DENND3: variants seen among roughly 807,000 people sequenced by gnomAD.
DENND3 encodes the protein DENN domain-containing protein 3.
A neutral mutation model predicts 135.1 loss-of-function variants in DENND3; 88 were observed. The ratio of observed to expected loss-of-function variants is 0.65; its 90% CI spans 0.55 to 0.78. DENND3 has a LOEUF of 0.78. Among genes scored for constraint, DENND3 ranks in the 30% least tolerant of loss-of-function variants. The pLI, the probability that DENND3 is intolerant of heterozygous loss-of-function variation, is 0.00. For synonymous variants in DENND3, 693 were observed against 712.3 expected, an observed-to-expected ratio of 0.97 and a Z score of 0.43; for missense variants, 1,392 against 1,688.4, an observed-to-expected ratio of 0.82 and a Z score of 3.08.
At position 141,188,865 on chromosome 8, in the gene DENND3, G is replaced by C. The variant is rs1036842981; in HGVS notation, c.3085-121G>C. The C allele has an allele frequency of 3.0e-6, 4 of 1,339,276 alleles. No individual in the cohort carries two copies. In the African/African-American group the frequency reaches 5.9e-5, roughly 20 times the overall value. The allele number at this position is 1,339,276 out of a possible 1,614,324, so 83.0% of individuals were successfully genotyped here. A position where few individuals can be genotyped will look rare whatever the true frequency, so the allele number is the denominator to read the frequency against. ...GAGGCTCCCAGGACCCTGAGCCGGC[G>C]TGTCCCCTAGGAGCAGTGGTTCCAT... On this transcript the variant is annotated intron_variant, in intron 18 of 22. Coordinates refer to ENST00000519811, the MANE Select transcript of DENND3 (RefSeq NM_001352890.3).
In DENND3 at chr8:141,180,752, A is replaced by T; in HGVS notation, c.2842A>T (p.Met948Leu). Residue 948 changes from methionine (M) to leucine (L), a missense_variant, in exon 17 of 23, where the codon ATG becomes TTG. Met to Leu is a conservative substitution (Grantham distance 15, BLOSUM62 2). Coordinates refer to ENST00000519811, the MANE Select transcript of DENND3 (RefSeq NM_001352890.3). The part of the protein sequence containing the change: ...YFDKMSNEMP[M>L]TLPETTLETL... ...CCAAGTGTCTTGTCTTTCAGTGCCCATGACGCTTCCGGAGACAACCCTGGA... is the reference window on the plus strand; with the variant it reads ...CCAAGTGTCTTGTCTTTCAGTGCCCTTGACGCTTCCGGAGACAACCCTGGA... The T allele has an allele frequency of 6.2e-7, 1 of 1,612,838 alleles. No homozygotes were observed. Among genetic ancestry groups the T allele is most frequent in the African/African-American group, 1.3e-5 (1 of 75,026 alleles).
chr8:141,175,700 TTC>T lies in DENND3; in HGVS notation c.2535+245_2535+246del, dbSNP rs1242754420. 1 of 563,502 alleles carries T rather than the reference TTC, an allele frequency of 1.8e-6. No homozygotes were observed. Among genetic ancestry groups the T allele is most frequent in the Non-Finnish European group, 3.2e-6 (1 of 316,946 alleles). The allele number at this position is 563,502 out of a possible 1,614,324, so 34.9% of individuals were successfully genotyped here. On this transcript the variant is annotated intron_variant, in intron 14 of 22. Coordinates refer to ENST00000519811, the MANE Select transcript of DENND3 (RefSeq NM_001352890.3). This position sits in a 1 kb window ranked among gnomAD's most constrained non-coding sequence, Gnocchi z 5.4. ...GGAGCATGCTTAGAATGGTAACTGA[TTC>T]TCTGTCACAGCTGACTTGCATCTGG...
chr8:141,168,435 C>G lies in DENND3; in HGVS notation c.2185C>G (p.Gln729Glu). 6.2e-7 allele frequency: 1 copy of G among 1,613,854 alleles called. No individual in the cohort carries two copies. The highest frequency in any genetic ancestry group is 8.5e-7 in the Non-Finnish European group (1 of 1,180,032). The part of the protein sequence containing the change: ...KKFKLPKKHM[Q>E]LGDFMKRVQE... ...GTTCAAGCTGCCCAAGAAGCACATG[C>G]AGCTGGGCGACTTCATGAAGCGGGT... Residue 729 changes from glutamine to glutamate, a missense_variant, in exon 13 of 23, where the codon CAG becomes GAG. By Grantham distance (29) the Gln-to-Glu change is conservative (BLOSUM62 2). Coordinates refer to ENST00000519811, the MANE Select transcript of DENND3 (RefSeq NM_001352890.3). This position sits in a 1 kb window ranked among gnomAD's most constrained non-coding sequence, Gnocchi z 6.2.
At position 141,144,825 on chromosome 8, in the gene DENND3, A is replaced by C. The variant is rs1304384926; in HGVS notation, c.735+566A>C. Among the ~76,000 whole-genome samples, 1 of 152,220 alleles carries C rather than the reference A, an allele frequency of 6.6e-6. No individual in the cohort carries two copies. Among genetic ancestry groups the C allele is most frequent in the Non-Finnish European group, 1.5e-5 (1 of 68,040 alleles). ...CCTAAGGTCACACAAAGCAAGGGTT[A>C]AGTCACTCCCTACAAACCATAAGAG... On this transcript the variant is annotated intron_variant, in intron 5 of 22. Coordinates refer to ENST00000519811, the MANE Select transcript of DENND3 (RefSeq NM_001352890.3). This position sits in a 1 kb window ranked among gnomAD's most constrained non-coding sequence, Gnocchi z 4.4.
At position 141,166,755 on chromosome 8, in the gene DENND3, C is replaced by T. The variant is rs568946485; in HGVS notation, c.1753+366C>T. ...GAGCGCACCAGGCACTTTCTAGAGCCGGAGCTGTGAAGGAGCCCAGTGCCC... is the reference window on the plus strand; with the variant it reads ...GAGCGCACCAGGCACTTTCTAGAGCTGGAGCTGTGAAGGAGCCCAGTGCCC... On this transcript the variant is annotated intron_variant, in intron 12 of 22. Transcript: ENST00000519811. This position sits in a 1 kb window ranked among gnomAD's most constrained non-coding sequence, Gnocchi z 4.3. Among the ~76,000 whole-genome samples the T allele has an allele frequency of 3.9e-5, 6 of 152,250 alleles. No individual in the cohort carries two copies. Among genetic ancestry groups the T allele is most frequent in the Middle Eastern group, 6.8e-3 (2 of 294 alleles).
chr8:141,192,762 C>T (rs187051334), intron 22 of DENND3, 99 bp downstream of exon 22: 1 of 1,604,758 alleles, frequency 6.2e-7, no homozygotes, highest in East Asian at 2.2e-5. Context: ...GCCCTCGTGC[C>T]CTCCTGCCTT....
Position 141,168,339 on chromosome 8 carries a change from C to G in DENND3, c.2089C>G (p.Leu697Val). 6.2e-7 allele frequency: 1 copy of G among 1,613,920 alleles called. No homozygotes were observed. Among genetic ancestry groups the G allele is most frequent in the South Asian group, 1.1e-5 (1 of 91,086 alleles). ...GGAGGGGGCTGAGCAGGCGCCGGAG[C>G]TGATGAGGCTCATCAGCGAGATCCT... ...EWEGAEQAPE[L>V]MRLISEILDK... The change falls in exon 13 of 23, where the codon CTG becomes GTG. Residue 697 changes from leucine to valine, a missense_variant. Physicochemically the swap from Leu to Val is conservative, Grantham distance 32. Transcript: ENST00000519811. This position sits in a 1 kb window ranked among gnomAD's most constrained non-coding sequence, Gnocchi z 6.2.
intron 8 of DENND3, among the ~76,000 whole-genome samples, chr8:141,159,748 G>T (rs1819903663): frequency 6.6e-6 from 1 of 152,332 alleles, no homozygotes; most frequent in Admixed American, 6.5e-5. Context: ...TAGACATGCA[G>T]CCTTTAGTGG....
At chr8:141,181,211 G>C (rs553800084) in intron 17 of DENND3, among the ~76,000 whole-genome samples, 2 of 152,188 alleles carry the variant, frequency 1.3e-5, no homozygotes, top group African/African-American at 2.4e-5. Context: ...CCAGGCTGGA[G>C]TGCAGTGGTG....
chr8:141,146,123 A>G lies in DENND3; in HGVS notation c.735+1864A>G, dbSNP rs994007402. Among the ~76,000 whole-genome samples, 3 of 152,108 alleles carry G rather than the reference A, an allele frequency of 2.0e-5. No homozygotes were observed. The highest frequency in any genetic ancestry group is 4.4e-5 in the Non-Finnish European group (3 of 68,006). Reference sequence around the variant, plus strand: ...CGGCCTCCCGAAGTGCTGGGATTACAGCGTGAGCCACCGCGCCCGCCCTGG... The same window carrying G: ...CGGCCTCCCGAAGTGCTGGGATTACGGCGTGAGCCACCGCGCCCGCCCTGG... On this transcript the variant is annotated intron_variant, in intron 5 of 22. Coordinates refer to ENST00000519811, the MANE Select transcript of DENND3 (RefSeq NM_001352890.3). The surrounding 1 kb of genome is among the most constrained non-coding windows in gnomAD (Gnocchi z 4.3).
chr8:141,176,018 TC>T, intron 14 of DENND3: 1 of 179,760 alleles, frequency 5.6e-6, no homozygotes, highest in East Asian at 1.6e-4. Context: ...ATAGTTGTTT[TC>T]CCAGATTTAA....
intron 21 of DENND3, 26 bp from the exon 22 acceptor site, chr8:141,192,500 A>T (rs1255974314): frequency 1.2e-6 from 2 of 1,610,412 alleles, no homozygotes; most frequent in South Asian, 2.2e-5. Context: ...CGGGGCCCAT[A>T]GCCCACACCG....
rs966870512 is a variant in DENND3, at chr8:141,194,649, A to G, written c.*416A>G. The G allele has an allele frequency of 8.7e-5, 18 of 207,464 alleles. No homozygotes were observed. In the East Asian group the frequency reaches 1.9e-3, roughly 22 times the overall value. The allele number at this position is 207,464 out of a possible 1,614,324, so 12.9% of individuals were successfully genotyped here. A position where few individuals can be genotyped will look rare whatever the true frequency, so the allele number is the denominator to read the frequency against. The stretch of plus-strand genomic sequence containing the variant: ...CCTTACTTCATTCATTCACTCACCC[A>G]GTCCTTACGAATCACCGAGGAACAC... On this transcript the variant is annotated 3_prime_UTR_variant, in exon 23 of 23. Transcript: ENST00000519811.
chr8:141,163,792 C>A (rs1346516951), intron 10 of DENND3, among the ~76,000 whole-genome samples: 1 of 151,324 alleles, frequency 6.6e-6, no homozygotes, highest in Non-Finnish European at 1.5e-5. Context: ...CCTGTAATCC[C>A]AGCTACTCAG....
At position 141,144,369 on chromosome 8, in the gene DENND3, C is replaced by T. The variant is rs1817798113; in HGVS notation, c.735+110C>T. The T allele has an allele frequency of 1.9e-6, 2 of 1,068,562 alleles. No individual in the cohort carries two copies. The highest frequency in any genetic ancestry group is 2.6e-6 in the Non-Finnish European group (2 of 768,624). 66.2% of individuals were successfully genotyped at this position (1,068,562 alleles called of 1,614,324 possible). ...TTTCTGAAGTTCTAGCTGTTGTAAA[C>T]CTAAAATAACATCCTAACCCCCCCG... On this transcript the variant is annotated intron_variant, in intron 5 of 22. Coordinates refer to ENST00000519811, the MANE Select transcript of DENND3 (RefSeq NM_001352890.3). This position sits in a 1 kb window ranked among gnomAD's most constrained non-coding sequence, Gnocchi z 4.4.
chr8:141,134,756 T>C (rs1157531001), intron 1 of DENND3, among the ~76,000 whole-genome samples: 3 of 152,228 alleles, frequency 2.0e-5, no homozygotes, highest in African/African-American at 7.2e-5. Context: ...CTTTTGTCAC[T>C]GCTGTGTCTT....
At chr8:141,186,530 T>G (rs1364848353) in intron 18 of DENND3, among the ~76,000 whole-genome samples, 1 of 152,202 alleles carries the variant, frequency 6.6e-6, no homozygotes, top group East Asian at 1.9e-4. Flanking sequence ...TTTTGCAATC[T>G]TTTTCCTTCT....
Position 141,165,247 on chromosome 8 carries a change from C to G in DENND3, c.1511C>G (p.Ala504Gly), listed in dbSNP as rs1402162783. 3 of 1,614,162 alleles carry G rather than the reference C, an allele frequency of 1.9e-6. No homozygotes were observed. Among genetic ancestry groups the G allele is most frequent in the Non-Finnish European group, 2.5e-6 (3 of 1,180,016 alleles). ...LKARLNRRMD[A>G]FAQMDLDTQS... ...GCCCGGCTCAATAGGAGGATGGACG[C>G]CTTTGCTCAGATGGACCTCGACACC... The change falls in exon 11 of 23, where the codon GCC becomes GGC. Residue 504 changes from alanine (A) to glycine (G), a missense_variant. Ala to Gly is a moderately conservative substitution (Grantham distance 60). Transcript: ENST00000519811.
intron 16 of DENND3, among the ~76,000 whole-genome samples, chr8:141,179,755 C>T (rs941897285): frequency 4.6e-5 from 7 of 152,214 alleles, no homozygotes; most frequent in African/African-American, 1.2e-4. Context: ...CATTTGATCA[C>T]GGATGTCGAC....
Sources: allele counts gnomAD v4.1 joint callset (sites outside exome capture counted in the v4.1 genomes callset), GRCh38; gene constraint gnomAD v4.1.1; non-coding constraint Gnocchi (gnomAD v3.1); transcripts MANE v1.5; gene names NCBI Gene and HGNC (gene_info 2026-07-23, HGNC 2026-07-21).